CHST9: variants seen among roughly 807,000 people sequenced by gnomAD.
CHST9 encodes the protein GalNAc-4-sulfotransferase 2.
A neutral mutation model predicts 44.4 loss-of-function variants in CHST9; 41 were observed. The observed-to-expected ratio is 0.92, with a 90% CI of 0.72 to 1.20. The LOEUF is 1.20. CHST9 is among the 50% of genes most tolerant of loss of function. CHST9 has a pLI of 0.00. For missense variants in CHST9, 504 were observed against 516.5 expected (o/e 0.98, Z 0.23); for synonymous variants, 171 against 178.4 (o/e 0.96, Z 0.33).
intron 4 of CHST9, among the ~76,000 whole-genome samples, chr18:26,963,053 AC>A (rs1359736076): frequency 6.6e-6 from 1 of 152,144 alleles, no homozygotes; most frequent in South Asian, 2.1e-4. Flanking sequence ...TTATTAATTC[AC>A]CCATTTAGTC....
intron 2 of CHST9, among the ~76,000 whole-genome samples, chr18:27,084,226 G>C (rs764599379): frequency 1.4e-4 from 21 of 151,888 alleles, no homozygotes; most frequent in Non-Finnish European, 2.7e-4. Flanking sequence ...GTTGGTACCA[G>C]CTCTTCTTTA....
intron 4 of CHST9, chr18:26,952,321 C>T (rs1727554854): frequency 5.9e-6 from 3 of 512,334 alleles, no homozygotes; most frequent in East Asian, 5.5e-5. Flanking sequence ...TGGATCTCAA[C>T]TCCACCAACT....
intron 3 of CHST9, among the ~76,000 whole-genome samples, chr18:27,044,717 A>G (rs2057479894): frequency 6.6e-6 from 1 of 152,042 alleles, no homozygotes; most frequent in African/African-American, 2.4e-5. Context: ...AAAACACTAT[A>G]AAAATAGAAA....
At chr18:27,004,796 A>G (rs2056995871) in intron 4 of CHST9, among the ~76,000 whole-genome samples, 1 of 152,210 alleles carries the variant, frequency 6.6e-6, no homozygotes, top group African/African-American at 2.4e-5. Flanking sequence ...GGTCTAGGAC[A>G]CCATAATAAA....
At position 26,916,461 on chromosome 18, in the gene CHST9, G is replaced by A. The variant is rs1423953258; in HGVS notation, c.1130C>T (p.Ala377Val). The A allele has an allele frequency of 6.2e-7, 1 of 1,613,590 alleles. No homozygotes were observed. The highest frequency in any genetic ancestry group is 8.5e-7 in the Non-Finnish European group (1 of 1,179,660). ...ACCGATCATCTGTAAAAAGTAATTG[G>A]CATCTTCTTCCAAAGTCTCAAATTT... ...VGKFETLEED[A>V]NYFLQMIGAP... Residue 377 changes from alanine (A) to valine (V), a missense_variant, in exon 6 of 6, where the codon GCC (alanine) becomes GTC (valine). Transcript: ENST00000618847.
At chr18:27,077,012 A>G (rs1348831671) in intron 2 of CHST9, among the ~76,000 whole-genome samples, 2 of 152,194 alleles carry the variant, frequency 1.3e-5, no homozygotes, top group African/African-American at 4.8e-5. Context: ...CTACTAGAAA[A>G]GGCAGTCCAT....
At chr18:27,048,081 C>G (rs2057525631) in intron 3 of CHST9, among the ~76,000 whole-genome samples, 1 of 152,078 alleles carries the variant, frequency 6.6e-6, no homozygotes, top group African/African-American at 2.4e-5. Context: ...GAAAAGCATC[C>G]ACTACATATA....
At chr18:27,128,740 T>C (rs1362266967) in intron 2 of CHST9, among the ~76,000 whole-genome samples, 2 of 152,252 alleles carry the variant, frequency 1.3e-5, no homozygotes, top group African/African-American at 4.8e-5. Flanking sequence ...TAAATTCCTA[T>C]GTGACTGTGT....
chr18:26,991,703 T>G lies in CHST9; in HGVS notation c.202+32413A>C, dbSNP rs544390840. ...AAGCAGGAGACGATGGTGACTTAGA[T>G]GCCAAGCAAAGACAGTTTTCTGAGG... On this transcript the variant is annotated intron_variant, in intron 4 of 5. Coordinates refer to ENST00000618847, the MANE Select transcript of CHST9 (RefSeq NM_031422.6). Among the ~76,000 whole-genome samples, 2 of 67,364 alleles carry G rather than the reference T, an allele frequency of 3.0e-5. 1 individual carries two copies. The highest frequency in any genetic ancestry group is 8.1e-5 in the Non-Finnish European group (2 of 24,806). 44.2% of individuals were successfully genotyped at this position (67,364 alleles called of 152,430 possible). A position where few individuals can be genotyped will look rare whatever the true frequency, so the allele number is the denominator to read the frequency against.
intron 4 of CHST9, among the ~76,000 whole-genome samples, chr18:27,015,921 C>T (rs1242124637): frequency 6.6e-6 from 1 of 152,154 alleles, no homozygotes; most frequent in Admixed American, 6.5e-5. Flanking sequence ...TCTTGTGACA[C>T]GTGGCCTTCT....
chr18:27,171,998 G>A (rs1791534305), intron 1 of CHST9, among the ~76,000 whole-genome samples: 2 of 152,110 alleles, frequency 1.3e-5, no homozygotes, highest in Admixed American at 6.5e-5. Context: ...TTGGTCTAGA[G>A]GTCTGCATTC....
intron 4 of CHST9, among the ~76,000 whole-genome samples, chr18:26,952,003 G>C (rs1269377453): frequency 6.6e-6 from 1 of 152,148 alleles, no homozygotes; most frequent in Non-Finnish European, 1.5e-5. Flanking sequence ...GTGGGTTCCT[G>C]ATCATATTAC....
At chr18:27,097,976 G>A (rs565233983) in intron 2 of CHST9, among the ~76,000 whole-genome samples, 3 of 151,988 alleles carry the variant, frequency 2.0e-5, no homozygotes, top group Non-Finnish European at 4.4e-5. Flanking sequence ...TGCTGTTTTG[G>A]TTACTGTAGC....
intron 2 of CHST9, among the ~76,000 whole-genome samples, chr18:27,066,967 CAT>C (rs1472634426): frequency 6.6e-6 from 1 of 152,080 alleles, no homozygotes; most frequent in Non-Finnish European, 1.5e-5. Flanking sequence ...GTTTCTGTTT[CAT>C]GTGTGTGATC....
At chr18:27,119,652 G>T (rs1445206368) in intron 2 of CHST9, among the ~76,000 whole-genome samples, 19 of 120,072 alleles carry the variant, frequency 1.6e-4, no homozygotes, top group South Asian at 1.0e-3. Flanking sequence ...TTTTGTTTTG[G>T]GTTTTTTTTT....
chr18:27,075,687 ACAC>A (rs1014587362), intron 2 of CHST9, among the ~76,000 whole-genome samples: 32 of 146,598 alleles, frequency 2.2e-4, no homozygotes, highest in Admixed American at 1.0e-3. Flanking sequence ...TCTCTTCCAC[ACAC>A]ATACTCCCAG....
At chr18:27,033,132 C>T (rs577163051) in intron 3 of CHST9, among the ~76,000 whole-genome samples, 15 of 152,158 alleles carry the variant, frequency 9.9e-5, no homozygotes, top group Non-Finnish European at 2.1e-4. Flanking sequence ...CAGACACAGA[C>T]CTTGTATTAT....
In CHST9 at chr18:26,911,423, G is replaced by C. The variant is rs1278269662; in HGVS notation, c.*4836C>G. 6.6e-6 allele frequency: 1 copy of C among 152,202 alleles called. No homozygotes were observed. Among genetic ancestry groups the C allele is most frequent in the African/African-American group, 2.4e-5 (1 of 41,438 alleles). The allele number at this position is 152,202 out of a possible 1,614,324, so 9.4% of individuals were successfully genotyped here. ...AAAAAAATCGAGGAAAGGAATGCCT[G>C]CATTTATTGGTAAGAGAATAATCTG... On this transcript the variant is annotated 3_prime_UTR_variant, in exon 6 of 6. Coordinates refer to ENST00000618847, the MANE Select transcript of CHST9 (RefSeq NM_031422.6).
chr18:26,995,523 C>T (rs2056878200), intron 4 of CHST9, among the ~76,000 whole-genome samples: 1 of 151,754 alleles, frequency 6.6e-6, no homozygotes, highest in Non-Finnish European at 1.5e-5. Flanking sequence ...GGATTCCCGA[C>T]CCACAGAAAC....
Sources: allele counts gnomAD v4.1 joint callset (sites outside exome capture counted in the v4.1 genomes callset), GRCh38; gene constraint gnomAD v4.1.1; transcripts MANE v1.5; gene names NCBI Gene and HGNC (gene_info 2026-07-23, HGNC 2026-07-21).